SERPINA4: variants seen among roughly 807,000 people sequenced by gnomAD.
SERPINA4 encodes kallistatin.
SERPINA4 carries 24 observed loss-of-function variants against 25.4 expected under a neutral mutation model. That is an observed-to-expected ratio of 0.95 (90% CI 0.69 to 1.33). The LOEUF (loss-of-function observed/expected upper bound fraction) is 1.33, where lower values mean the gene tolerates loss of function less well. Among genes scored for constraint, SERPINA4 ranks in the 40% most tolerant of loss-of-function variants. The probability of loss-of-function intolerance (pLI) is 0.00; values close to 1 mark genes in which losing one functional copy is unlikely to be tolerated. For synonymous variants in SERPINA4, 242 were observed against 223.6 expected, an observed-to-expected ratio of 1.08 and a Z score of -0.73; for missense variants, 553 against 535.8, an observed-to-expected ratio of 1.03 and a Z score of -0.32.
intron 4 of SERPINA4, 96 bp downstream of exon 4, chr14:94,568,384 T>G: frequency 7.6e-7 from 1 of 1,309,928 alleles, no homozygotes; most frequent in South Asian, 1.3e-5. Context: ...CCACATGGAG[T>G]CTCAGAGCCT....
intron 4 of SERPINA4, among the ~76,000 whole-genome samples, chr14:94,568,999 C>A (rs1272804372): frequency 2.0e-5 from 3 of 152,108 alleles, no homozygotes; most frequent in Non-Finnish European, 1.5e-5. Context: ...AAGAAAAGTG[C>A]ACGAGGGGGT....
intron 4 of SERPINA4, 113 bp from the exon 5 acceptor site, chr14:94,569,282 C>T: frequency 1.1e-6 from 1 of 936,468 alleles, no homozygotes; most frequent in South Asian, 1.6e-5. Flanking sequence ...CAAGAAATGG[C>T]CTTGCAGGCT....
chr14:94,566,854 G>A (rs1158167053), intron 2 of SERPINA4, 116 bp from the exon 3 acceptor site: 7 of 1,231,214 alleles, frequency 5.7e-6, no homozygotes, highest in Non-Finnish European at 7.9e-6. Context: ...GGGCTCATAG[G>A]GCAGGATCTG....
chr14:94,564,050 ACT>A lies in SERPINA4; in HGVS notation c.570_571del (p.Gly192GlufsTer8). 1 of 1,610,448 alleles carries A rather than the reference ACT, an allele frequency of 6.2e-7. No homozygotes were observed. The highest frequency in any genetic ancestry group is 1.1e-5 in the South Asian group (1 of 91,076). On this transcript the variant is annotated frameshift_variant, in exon 2 of 5. Transcript: ENST00000557004. LOFTEE classifies it high-confidence loss of function. ...QLINDHVKKETRGKIVDLVSE... is the reference protein window; with the variant it reads ...QLINDHVKKEXRGKIVDLVSE... ...TATCAACGACCACGTCAAGAAGGAA[ACT>A]CGAGGGAAGATTGTGGATTTGGTCA...
chr14:94,563,282 C>G (rs1257399441), intron 1 of SERPINA4, among the ~76,000 whole-genome samples, 184 bp from the exon 2 acceptor site: 3 of 152,168 alleles, frequency 2.0e-5, no homozygotes. Flanking sequence ...ACATTGCCAT[C>G]CAATAGTGTT....
chr14:94,563,797 G>A lies in SERPINA4; in HGVS notation c.315G>A (p.Leu105=). The part of the protein sequence containing the change: ...SHSRSQILEG[L]GFNLTELSES... ...GCCGCAGCCAGATCCTTGAGGGCCT[G>A]GGCTTCAACCTCACCGAGCTGTCTG... The change falls in exon 2 of 5, where the codon CTG becomes CTA. Residue 105 remains leucine, a synonymous_variant. Transcript: ENST00000557004. 6.2e-7 allele frequency: 1 copy of A among 1,614,168 alleles called. No homozygotes were observed.
chr14:94,565,848 C>G (rs527620390), intron 2 of SERPINA4, among the ~76,000 whole-genome samples: 1 of 151,988 alleles, frequency 6.6e-6, no homozygotes, highest in African/African-American at 2.4e-5. Context: ...GAGACTCTAT[C>G]TCCAAAAAAA....
intron 2 of SERPINA4, among the ~76,000 whole-genome samples, chr14:94,566,435 G>T (rs954046638): frequency 2.0e-5 from 3 of 152,108 alleles, no homozygotes; most frequent in African/African-American, 7.2e-5. Flanking sequence ...TAACAATCTT[G>T]TCTCACTTTT....
rs1370116197 is a variant in SERPINA4 at position 94,563,706 on chromosome 14, T to A, written c.224T>A (p.Ile75Asn). Residue 75 changes from isoleucine (I) to asparagine (N), a missense_variant, in exon 2 of 5, where the codon ATC becomes AAC. Physicochemically the swap from Ile to Asn is moderately radical, Grantham distance 149. Coordinates refer to ENST00000557004, the MANE Select transcript of SERPINA4 (RefSeq NM_006215.4). ...GCTTCGGAGACCCCGGGGAAGAACATCTTTTTCTCCCCGCTGAGCATCTCG... is the reference window on the plus strand; with the variant it reads ...GCTTCGGAGACCCCGGGGAAGAACAACTTTTTCTCCCCGCTGAGCATCTCG... ...LIASETPGKN[I>N]FFSPLSISAA... The A allele has an allele frequency of 3.1e-6, 5 of 1,613,804 alleles. No individual in the cohort carries two copies. Among genetic ancestry groups the A allele is most frequent in the Non-Finnish European group, 4.2e-6 (5 of 1,180,042 alleles).
intron 3 of SERPINA4, 154 bp from the exon 4 acceptor site, chr14:94,567,975 C>A: frequency 1.3e-5 from 3 of 227,696 alleles, no homozygotes; most frequent in Non-Finnish European, 2.2e-5. Flanking sequence ...CTTTCAACAT[C>A]CATTTGTGGG....
chr14:94,568,660 G>T (rs1902295423), intron 4 of SERPINA4, among the ~76,000 whole-genome samples: 1 of 152,146 alleles, frequency 6.6e-6, no homozygotes, highest in African/African-American at 2.4e-5. Flanking sequence ...TTTGAGACCA[G>T]CTTGGCCAAA....
At position 94,563,803 on chromosome 14, in the gene SERPINA4, C is replaced by A; in HGVS notation, c.321C>A (p.Phe107Leu). ...GCCAGATCCTTGAGGGCCTGGGCTT[C>A]AACCTCACCGAGCTGTCTGAGTCCG... ...SRSQILEGLG[F>L]NLTELSESDV... Residue 107 changes from phenylalanine (F) to leucine (L), a missense_variant, in exon 2 of 5, where the codon TTC becomes TTA. Transcript: ENST00000557004. 6.2e-7 allele frequency: 1 copy of A among 1,614,224 alleles called. No homozygotes were observed. The highest frequency in any genetic ancestry group is 8.5e-7 in the Non-Finnish European group (1 of 1,180,042).
At chr14:94,565,744 G>T (rs1373454872) in intron 2 of SERPINA4, among the ~76,000 whole-genome samples, 1 of 151,746 alleles carries the variant, frequency 6.6e-6, no homozygotes, top group African/African-American at 2.4e-5. Flanking sequence ...TGTAATCCCA[G>T]CCACTTGGGA....
chr14:94,568,355 C>A, intron 4 of SERPINA4, 67 bp downstream of exon 4: 1 of 1,548,166 alleles, frequency 6.5e-7, no homozygotes, highest in Non-Finnish European at 8.8e-7. Context: ...AGCTGCCAGG[C>A]GATGGGGCTC....
intron 1 of SERPINA4, chr14:94,561,814 T>C (rs577762444): frequency 7.8e-7 from 1 of 1,289,788 alleles, no homozygotes; most frequent in African/African-American, 1.5e-5. Context: ...ATCCAGGTGA[T>C]CTTGGGGAGC....
At chr14:94,565,132 G>A (rs1242791751) in intron 2 of SERPINA4, among the ~76,000 whole-genome samples, 1 of 152,182 alleles carries the variant, frequency 6.6e-6, no homozygotes, top group African/African-American at 2.4e-5. Context: ...AGAGTTGGAA[G>A]GACAGAGAGA....
chr14:94,561,994 C>T (rs1056054834), intron 1 of SERPINA4, among the ~76,000 whole-genome samples: 1 of 151,946 alleles, frequency 6.6e-6, no homozygotes, highest in African/African-American at 2.4e-5. Context: ...TCCGGCCCAC[C>T]GCCCATGAGC....
At chr14:94,563,133 G>A (rs747041081) in intron 1 of SERPINA4, among the ~76,000 whole-genome samples, 1 of 152,176 alleles carries the variant, frequency 6.6e-6, no homozygotes, top group Non-Finnish European at 1.5e-5. Flanking sequence ...TGCTAGGTAG[G>A]TGACTTGGGT....
chr14:94,562,630 C>CA (rs929168770), intron 1 of SERPINA4, among the ~76,000 whole-genome samples: 16 of 151,818 alleles, frequency 1.1e-4, no homozygotes, highest in South Asian at 2.1e-4. Flanking sequence ...ACCAAACAAA[C>CA]AAAAAAAACC....
Sources: allele counts gnomAD v4.1 joint callset (sites outside exome capture counted in the v4.1 genomes callset), GRCh38; gene constraint gnomAD v4.1.1; transcripts MANE v1.5; gene names NCBI Gene and HGNC (gene_info 2026-07-23, HGNC 2026-07-21).